The following MAP2 variants were observed in gnomAD, a reference collection of about 807,000 sequenced individuals.
MAP2 encodes the protein microtubule associated protein 2.
In MAP2, 14 loss-of-function variants were observed where a neutral mutation model predicts 137.6. That is an observed-to-expected ratio of 0.10 (90% CI 0.07 to 0.16). The LOEUF (loss-of-function observed/expected upper bound fraction) is 0.16. MAP2 is among the 10% of genes least tolerant of loss of function. MAP2 has a pLI of 1.00. For missense variants in MAP2, 2,088 were observed against 2,191.5 expected (o/e 0.95, Z 0.94); for synonymous variants, 786 against 782.3 (o/e 1.00, Z -0.08).
chr2:209,456,153 A>G lies in MAP2; in HGVS notation c.-222+31877A>G, dbSNP rs1701491188. Among the ~76,000 whole-genome samples, 4 of 152,182 alleles carry G rather than the reference A, an allele frequency of 2.6e-5. No individual in the cohort carries two copies. In the South Asian group the frequency reaches 8.3e-4, roughly 31 times the overall value. ...TTTAAATGAACCTTATCATGTGGTAAGGTACATCCGAGGTGCTAAATGGTG... is the reference window on the plus strand; with the variant it reads ...TTTAAATGAACCTTATCATGTGGTAGGGTACATCCGAGGTGCTAAATGGTG... On this transcript the variant is annotated intron_variant, in intron 1 of 15. Transcript: ENST00000682079.
At chr2:209,666,025 G>T (rs1358505024) in intron 5 of MAP2, among the ~76,000 whole-genome samples, 2 of 151,900 alleles carry the variant, frequency 1.3e-5, no homozygotes, top group Admixed American at 6.6e-5. Flanking sequence ...CAATTCACTG[G>T]ATACTTTTTC....
At chr2:209,721,734 C>G (rs1357018182) in intron 13 of MAP2, among the ~76,000 whole-genome samples, 1 of 152,172 alleles carries the variant, frequency 6.6e-6, no homozygotes, top group Non-Finnish European at 1.5e-5. Flanking sequence ...CTTGTGATCA[C>G]TTGGCAATGA....
chr2:209,696,244 G>A lies in MAP2; in HGVS notation c.4074G>A (p.Glu1358=), dbSNP rs758198058. 1.9e-6 allele frequency: 3 copies of A among 1,613,282 alleles called. No homozygotes were observed. Among genetic ancestry groups the A allele is most frequent in the Non-Finnish European group, 2.5e-6 (3 of 1,179,792 alleles). ...CTCCAGCTTCCCCTGAGAGAGAAGA[G>A]GTTGCACTTTCTGAATATAAGACAG... ...PEAPASPERE[E]VALSEYKTET... Residue 1358 remains glutamate (E), a synonymous_variant, in exon 8 of 16, where the codon GAG becomes GAA. Coordinates refer to ENST00000682079, the MANE Select transcript of MAP2 (RefSeq NM_001375505.1).
At position 209,678,658 on chromosome 2, in the gene MAP2, A is replaced by G. The variant is rs1559539721; in HGVS notation, c.349A>G (p.Lys117Glu). The G allele has an allele frequency of 2.5e-6, 4 of 1,603,926 alleles. No individual in the cohort carries two copies. Among genetic ancestry groups the G allele is most frequent in the East Asian group, 2.3e-5 (1 of 44,310 alleles). The change falls in exon 6 of 16, where the codon AAA (lysine) becomes GAA (glutamate). Residue 117 changes from lysine (K) to glutamate (E), a missense_variant. Lys to Glu is a moderately conservative substitution (Grantham distance 56). This residue lies in a region of MAP2 where 859 missense variants were observed against 794.5 expected (regional missense o/e 1.08). Coordinates refer to ENST00000682079, the MANE Select transcript of MAP2 (RefSeq NM_001375505.1). Reference protein sequence around the residue: ...KGEQEKEAQHKDQTAALPLAA... With the variant: ...KGEQEKEAQHEDQTAALPLAA... ...TGAACAAGAGAAAGAAGCTCAACAT[A>G]AAGACCAGACTGCAGCTCTGCCTTT... is the stretch of plus-strand genomic sequence containing the variant.
At chr2:209,429,176 A>G (rs1459003763) in intron 1 of MAP2, among the ~76,000 whole-genome samples, 1 of 151,696 alleles carries the variant, frequency 6.6e-6, no homozygotes, top group African/African-American at 2.4e-5. Flanking sequence ...GATGATCTCG[A>G]TCTCCTGACC....
intron 11 of MAP2, among the ~76,000 whole-genome samples, chr2:209,702,869 G>A (rs373913754): frequency 2.6e-5 from 4 of 152,006 alleles, no homozygotes; most frequent in African/African-American, 9.7e-5. Flanking sequence ...GTTAAAACTT[G>A]AGATAAAAAT....
At chr2:209,624,090 A>G (rs1241830982) in intron 3 of MAP2, among the ~76,000 whole-genome samples, 3 of 152,178 alleles carry the variant, frequency 2.0e-5, no homozygotes, top group Non-Finnish European at 4.4e-5. Context: ...AGAGGTTCAT[A>G]CAGAAGAATT....
intron 2 of MAP2, among the ~76,000 whole-genome samples, chr2:209,508,053 G>A (rs13411087): frequency 0.19 from 28,555 of 151,804 alleles, 3,248 homozygotes; most frequent in Non-Finnish European, 0.26. Flanking sequence ...AATATATTTC[G>A]TAAAGAGGGT....
chr2:209,531,900 C>T (rs544839311), intron 2 of MAP2, among the ~76,000 whole-genome samples: 2 of 151,996 alleles, frequency 1.3e-5, no homozygotes, highest in Non-Finnish European at 1.5e-5. Context: ...TTCTAAAATA[C>T]TATAATATAA....
intron 1 of MAP2, among the ~76,000 whole-genome samples, chr2:209,465,128 G>C (rs1258352564): frequency 6.6e-6 from 1 of 152,052 alleles, no homozygotes; most frequent in African/African-American, 2.4e-5. Context: ...AGGAGACTTA[G>C]GGAAGATTTA....
At chr2:209,703,343 A>G (rs1004185131) in intron 11 of MAP2, among the ~76,000 whole-genome samples, 1 of 152,098 alleles carries the variant, frequency 6.6e-6, no homozygotes, top group African/African-American at 2.4e-5. Context: ...TAGGCTTCAA[A>G]TATACCTTGT....
intron 1 of MAP2, among the ~76,000 whole-genome samples, chr2:209,502,416 A>G (rs995387201): frequency 5.3e-5 from 8 of 152,218 alleles, no homozygotes; most frequent in African/African-American, 1.4e-4. Context: ...TGCAAATGGC[A>G]GGATCTCCCT....
chr2:209,446,675 C>T (rs1437907951), intron 1 of MAP2, among the ~76,000 whole-genome samples: 1 of 151,818 alleles, frequency 6.6e-6, no homozygotes, highest in Non-Finnish European at 1.5e-5. Flanking sequence ...GCTGACTTTT[C>T]TCCCCACCCC....
intron 1 of MAP2, among the ~76,000 whole-genome samples, chr2:209,503,681 A>G (rs1257025106): frequency 6.6e-6 from 1 of 152,160 alleles, no homozygotes; most frequent in Non-Finnish European, 1.5e-5. Flanking sequence ...CAATGGAAGT[A>G]ATGTAAGACA....
intron 5 of MAP2, among the ~76,000 whole-genome samples, chr2:209,669,622 G>C (rs557965812): frequency 6.6e-6 from 1 of 152,060 alleles, no homozygotes; most frequent in African/African-American, 2.4e-5. Context: ...GGCCAGCATT[G>C]GCATTCCTAT....
At chr2:209,499,871 A>C (rs1274546147) in intron 1 of MAP2, among the ~76,000 whole-genome samples, 1 of 152,182 alleles carries the variant, frequency 6.6e-6, no homozygotes, top group Non-Finnish European at 1.5e-5. Context: ...GACAGCACCA[A>C]GCCATGAGAG....
At chr2:209,539,900 A>G (rs2066609651) in intron 2 of MAP2, among the ~76,000 whole-genome samples, 1 of 149,074 alleles carries the variant, frequency 6.7e-6, no homozygotes, top group Admixed American at 6.7e-5. Flanking sequence ...GAGTTCAAGA[A>G]CAGCCTGGGT....
chr2:209,688,669 G>A (rs984858753), intron 7 of MAP2, among the ~76,000 whole-genome samples: 7 of 152,114 alleles, frequency 4.6e-5, no homozygotes, highest in South Asian at 2.1e-4. Context: ...ATTGGTTATC[G>A]TGAGGATAAA....
At chr2:209,648,469 G>T (rs775916582) in intron 4 of MAP2, among the ~76,000 whole-genome samples, 1 of 151,864 alleles carries the variant, frequency 6.6e-6, no homozygotes, top group Non-Finnish European at 1.5e-5. Context: ...CGTGTGTTTT[G>T]TCCTAAAAAG....
Sources: gnomAD v4.1 joint callset for allele counts (sites outside exome capture counted in the v4.1 genomes callset) on GRCh38, gnomAD v4.1.1 for gene constraint, gnomAD v4.1.1 regional missense constraint, MANE v1.5 for transcripts, NCBI Gene and HGNC (gene_info 2026-07-23, HGNC 2026-07-21) for gene names.